Variants in AMPH observed in about 807,000 individuals in gnomAD.
AMPH encodes amphiphysin.
AMPH carries 49 observed loss-of-function variants against 99.1 expected under a neutral mutation model. The ratio of observed to expected loss-of-function variants is 0.49; its 90% confidence interval spans 0.39 to 0.63. The LOEUF (loss-of-function observed/expected upper bound fraction) is 0.63. Among genes scored for constraint, AMPH ranks in the 20% least tolerant of loss-of-function variants. The pLI, the probability that AMPH is intolerant of heterozygous loss-of-function variation, is 0.00. For synonymous variants in AMPH, 314 were observed against 317.3 expected (o/e 0.99, Z 0.11); for missense variants, 759 against 863.4 (o/e 0.88, Z 1.52).
chr7:38,458,003 C>T (rs10266944), intron 11 of AMPH, among the ~76,000 whole-genome samples: 29,824 of 151,738 alleles, frequency 0.2, 3,144 homozygotes, highest in Middle Eastern at 0.22. Context: ...TGGTAGTATA[C>T]TGCAGTAGTA....
chr7:38,452,920 C>T (rs896875404), intron 11 of AMPH, among the ~76,000 whole-genome samples: 3 of 152,218 alleles, frequency 2.0e-5, no homozygotes, highest in African/African-American at 4.8e-5. Context: ...TGCCAAGATG[C>T]TTCAGGGAGA....
chr7:38,556,978 C>A (rs10951563), intron 1 of AMPH, among the ~76,000 whole-genome samples: 3 of 152,060 alleles, frequency 2.0e-5, no homozygotes, highest in African/African-American at 7.2e-5. Context: ...GAAGCATGAG[C>A]GTAGAACAAT....
intron 1 of AMPH, among the ~76,000 whole-genome samples, chr7:38,540,012 C>G (rs1322184879): frequency 6.6e-6 from 1 of 152,144 alleles, no homozygotes; most frequent in Non-Finnish European, 1.5e-5. Context: ...TTTCATTAAC[C>G]ACTCCTTTGG....
intron 1 of AMPH, among the ~76,000 whole-genome samples, chr7:38,588,140 G>A (rs115581035): frequency 0.01 from 1,582 of 152,098 alleles, 30 homozygotes; most frequent in African/African-American, 0.037. Flanking sequence ...TTTTTCTAGA[G>A]ATGGGGTTTG....
At chr7:38,416,765 GAC>G (rs1468245425) in intron 17 of AMPH, among the ~76,000 whole-genome samples, 1 of 152,110 alleles carries the variant, frequency 6.6e-6, no homozygotes, top group Non-Finnish European at 1.5e-5. Flanking sequence ...AGTGGCCCTG[GAC>G]ACAGCACTCC....
At chr7:38,512,334 T>C (rs1789571144) in intron 2 of AMPH, among the ~76,000 whole-genome samples, 1 of 152,194 alleles carries the variant, frequency 6.6e-6, no homozygotes, top group Non-Finnish European at 1.5e-5. Flanking sequence ...TTTCTGCAGT[T>C]GTTCAAAACC....
At chr7:38,452,220 A>G (rs1455095417) in intron 11 of AMPH, among the ~76,000 whole-genome samples, 1 of 152,248 alleles carries the variant, frequency 6.6e-6, no homozygotes, top group Non-Finnish European at 1.5e-5. Flanking sequence ...CATGATAAAA[A>G]TAGCAAGCTG....
At chr7:38,458,402 A>C (rs535377476) in intron 11 of AMPH, among the ~76,000 whole-genome samples, 1 of 152,200 alleles carries the variant, frequency 6.6e-6, no homozygotes, top group East Asian at 1.9e-4. Context: ...AAAAACACCA[A>C]CAACAAAAAG....
chr7:38,535,040 A>T (rs753639434), intron 1 of AMPH, 29 bp from the exon 2 acceptor site: 2 of 1,573,608 alleles, frequency 1.3e-6, no homozygotes, highest in Admixed American at 1.7e-5. Context: ...AAAATGGTTT[A>T]ATTTAATAAT....
At chr7:38,602,112 A>T (rs549159059) in intron 1 of AMPH, among the ~76,000 whole-genome samples, 3 of 152,154 alleles carry the variant, frequency 2.0e-5, no homozygotes, top group Non-Finnish European at 2.9e-5. Context: ...AGCACAAGCC[A>T]TCTGAGGACA....
chr7:38,561,913 T>C (rs1433588829), intron 1 of AMPH, among the ~76,000 whole-genome samples: 1 of 147,634 alleles, frequency 6.8e-6, no homozygotes, highest in African/African-American at 2.5e-5. Context: ...ACCTTGATCT[T>C]GGACTTGTAA....
chr7:38,537,065 G>A (rs1198266165), intron 1 of AMPH, among the ~76,000 whole-genome samples: 1 of 151,920 alleles, frequency 6.6e-6, no homozygotes, highest in Non-Finnish European at 1.5e-5. Flanking sequence ...ACATAAATAC[G>A]CAAGAGTTTA....
intron 11 of AMPH, among the ~76,000 whole-genome samples, chr7:38,450,930 A>T (rs1470389926): frequency 6.6e-6 from 1 of 150,738 alleles, no homozygotes; most frequent in African/African-American, 2.4e-5. Context: ...CGCTCTTGTC[A>T]CCTAGGCTGG....
Position 38,456,069 on chromosome 7 carries a change from C to T in AMPH, c.1017+5214G>A, listed in dbSNP as rs1404367075. 3.3e-5 allele frequency among the ~76,000 whole-genome samples: 5 copies of T among 152,316 alleles called. No homozygotes were observed. In the East Asian group the frequency reaches 9.6e-4, roughly 29 times the overall value. On this transcript the variant is annotated intron_variant, in intron 11 of 20. Coordinates refer to ENST00000356264, the MANE Select transcript of AMPH (RefSeq NM_001635.4). ...GTTGCAGTGGGTGCCATTCTGAAAG[C>T]CTAGCTTCCAAAGGTCTGCATCCCT...
chr7:38,404,126 A>T (rs935830528), intron 17 of AMPH, among the ~76,000 whole-genome samples: 1 of 151,964 alleles, frequency 6.6e-6, no homozygotes, highest in Non-Finnish European at 1.5e-5. Flanking sequence ...AAAGGACAGC[A>T]TCTATGTGAA....
rs148084849 is a variant in AMPH at position 38,452,480 on chromosome 7, C to T, written c.1017+8803G>A. Among the ~76,000 whole-genome samples the T allele has an allele frequency of 3.3e-5, 5 of 152,272 alleles. No individual in the cohort carries two copies. In the East Asian group the frequency reaches 9.6e-4, roughly 29 times the overall value. On this transcript the variant is annotated intron_variant, in intron 11 of 20. Transcript: ENST00000356264. The stretch of plus-strand genomic sequence containing the variant: ...TATTGTCTGGATGATACAGTTCATT[C>T]ACTTATAATACGTAGCTCGACCTAT...
chr7:38,556,710 T>C (rs1159311717), intron 1 of AMPH, among the ~76,000 whole-genome samples: 2 of 152,202 alleles, frequency 1.3e-5, no homozygotes, highest in Non-Finnish European at 2.9e-5. Context: ...ATTTATGTAG[T>C]TGTTTCCTCA....
chr7:38,408,390 A>G (rs1785112616), intron 17 of AMPH, among the ~76,000 whole-genome samples: 1 of 152,214 alleles, frequency 6.6e-6, no homozygotes, highest in South Asian at 2.1e-4. Context: ...AAGCAAACAT[A>G]TCACAAAATG....
chr7:38,536,450 T>A lies in AMPH; in HGVS notation c.70-1439A>T, dbSNP rs115934333. 5.8e-3 allele frequency among the ~76,000 whole-genome samples: 891 copies of A among 152,320 alleles called. 11 individuals carry two copies. Among genetic ancestry groups the A allele is most frequent in the African/African-American group, 0.02 (846 of 41,572 alleles). ...ATAAGTCAGAGTTCATGCAGATTTC[T>A]TCAAGAGGTCAATTTTCTTCGGAGC... On this transcript the variant is annotated intron_variant, in intron 1 of 20. Transcript: ENST00000356264.
Sources: gnomAD v4.1 joint callset for allele counts (sites outside exome capture counted in the v4.1 genomes callset) on GRCh38, gnomAD v4.1.1 for gene constraint, MANE v1.5 for transcripts, NCBI Gene and HGNC (gene_info 2026-07-23, HGNC 2026-07-21) for gene names.